Variants in IL1RAPL2 observed in about 807,000 individuals in gnomAD.
IL1RAPL2 encodes the protein X-linked interleukin-1 receptor accessory protein-like 2.
A neutral mutation model predicts 44.1 loss-of-function variants in IL1RAPL2; 3 were observed. The ratio of observed to expected loss-of-function variants is 0.07; its 90% CI spans 0.03 to 0.18. The LOEUF is 0.18. Among genes scored for constraint, IL1RAPL2 ranks in the 10% least tolerant of loss-of-function variants. The pLI, the probability that IL1RAPL2 is intolerant of heterozygous loss-of-function variation, is 1.00. For synonymous variants in IL1RAPL2, 181 were observed against 178.8 expected (o/e 1.01, Z -0.10); for missense variants, 391 against 496.4 (o/e 0.79, Z 2.02).
At chrX:104,682,997 C>T (rs988140168) in intron 2 of IL1RAPL2, among the ~76,000 whole-genome samples, 2 of 111,638 alleles carry the variant, frequency 1.8e-5, no homozygotes, top group Admixed American at 9.5e-5. Context: ...TGTATAGAAT[C>T]GTTTGGCCTG....
At chrX:105,198,194 C>G (rs1323057964) in intron 3 of IL1RAPL2, among the ~76,000 whole-genome samples, 1 of 111,600 alleles carries the variant, frequency 9.0e-6, no homozygotes, top group Non-Finnish European at 1.9e-5. Context: ...TTGTGAATAG[C>G]ACTACGATAA....
intron 4 of IL1RAPL2, among the ~76,000 whole-genome samples, chrX:105,235,818 G>T (rs368891975): frequency 8.9e-6 from 1 of 112,166 alleles, no homozygotes; most frequent in African/African-American, 3.2e-5. Context: ...AACTCTGTGT[G>T]ATAGGTGCTA....
chrX:104,782,722 A>G (rs1323593412), intron 2 of IL1RAPL2, among the ~76,000 whole-genome samples: 1 of 111,692 alleles, frequency 9.0e-6, no homozygotes, highest in African/African-American at 3.3e-5. Context: ...AATATCAGCA[A>G]TGATTTAGAT....
At chrX:105,755,038 A>T in intron 9 of IL1RAPL2, 139 bp from the exon 10 acceptor site, 1 of 413,835 alleles carries the variant, frequency 2.4e-6, no homozygotes. Flanking sequence ...AAGGGATTAG[A>T]TTTCCTATAA....
chrX:104,760,019 A>T (rs1433642019), intron 2 of IL1RAPL2, among the ~76,000 whole-genome samples: 2 of 111,381 alleles, frequency 1.8e-5, no homozygotes, highest in Non-Finnish European at 3.8e-5. Flanking sequence ...TGATTTTTAG[A>T]TCCCACAAAT....
intron 4 of IL1RAPL2, among the ~76,000 whole-genome samples, chrX:105,257,686 T>C (rs1743164955): frequency 8.9e-6 from 1 of 112,402 alleles, no homozygotes; most frequent in Non-Finnish European, 1.9e-5. Flanking sequence ...CATTATGTAA[T>C]ACCCTTTTCT....
intron 3 of IL1RAPL2, among the ~76,000 whole-genome samples, chrX:105,217,787 ATGTTCT>A (rs1486542706): frequency 8.9e-6 from 1 of 112,106 alleles, no homozygotes; most frequent in Non-Finnish European, 1.9e-5. Flanking sequence ...GAATGAGTTC[ATGTTCT>A]TTGCAGGGAC....
At chrX:105,617,575 AC>A (rs1257693678) in intron 6 of IL1RAPL2, among the ~76,000 whole-genome samples, 1 of 111,458 alleles carries the variant, frequency 9.0e-6, no homozygotes, top group Non-Finnish European at 1.9e-5. Flanking sequence ...TACTTTCCTG[AC>A]CTTGTCATAA....
At chrX:105,347,588 AT>A (rs2035120449) in intron 5 of IL1RAPL2, among the ~76,000 whole-genome samples, 1 of 108,982 alleles carries the variant, frequency 9.2e-6, no homozygotes, top group Non-Finnish European at 1.9e-5. Context: ...CATCATCATC[AT>A]CATCATCATC....
chrX:105,365,680 G>A (rs927841459), intron 5 of IL1RAPL2, among the ~76,000 whole-genome samples: 1 of 111,427 alleles, frequency 9.0e-6, no homozygotes, highest in African/African-American at 3.3e-5. Context: ...CTAATTTGTT[G>A]ATGTATAGTT....
At chrX:105,464,280 A>T (rs2036113128) in intron 5 of IL1RAPL2, among the ~76,000 whole-genome samples, 1 of 112,180 alleles carries the variant, frequency 8.9e-6, no homozygotes, top group Admixed American at 9.5e-5. Flanking sequence ...ACACTATAAG[A>T]TAAATGCTAT....
chrX:105,002,035 GGAAGA>G (rs2030860349), intron 2 of IL1RAPL2, among the ~76,000 whole-genome samples: 1 of 110,857 alleles, frequency 9.0e-6, no homozygotes. Context: ...AACGAATTTC[GGAAGA>G]TTGCAGCAAG....
intron 2 of IL1RAPL2, among the ~76,000 whole-genome samples, chrX:104,787,328 C>T (rs940031544): frequency 1.8e-4 from 20 of 111,593 alleles, no homozygotes; most frequent in African/African-American, 6.5e-4. Flanking sequence ...TGACGCTTCC[C>T]ATGCAGTACT....
intron 1 of IL1RAPL2, among the ~76,000 whole-genome samples, chrX:104,628,021 A>G (rs1929551683): frequency 8.9e-6 from 1 of 111,977 alleles, no homozygotes; most frequent in Admixed American, 9.5e-5. Context: ...CAATGATTTA[A>G]AGGATAGAAC....
At chrX:104,833,495 AT>A (rs769839158) in intron 2 of IL1RAPL2, among the ~76,000 whole-genome samples, 1 of 111,599 alleles carries the variant, frequency 9.0e-6, no homozygotes, top group Non-Finnish European at 1.9e-5. Flanking sequence ...TCATTTGGTT[AT>A]TTTTTTTAAA....
At chrX:105,058,053 A>G (rs953257856) in intron 2 of IL1RAPL2, among the ~76,000 whole-genome samples, 3 of 105,680 alleles carry the variant, frequency 2.8e-5, no homozygotes, top group Admixed American at 1.0e-4. Flanking sequence ...GGTTCACGCC[A>G]TTCTCCTGCC....
At position 104,787,365 on chromosome X, in the gene IL1RAPL2, C is replaced by T. The variant is rs137898201; in HGVS notation, c.82+128370C>T. Among the ~76,000 whole-genome samples the T allele has an allele frequency of 5.0e-3, 560 of 111,392 alleles. 3 individuals carry two copies. Among genetic ancestry groups the T allele is most frequent in the Non-Finnish European group, 8.1e-3 (428 of 53,073 alleles). ...TGATTATGTGTTTACATTTCTGGCT[C>T]GCCCTTGATACTCCGTACCTCTGGA... is the stretch of plus-strand genomic sequence containing the variant. On this transcript the variant is annotated intron_variant, in intron 2 of 10. Transcript: ENST00000372582.
chrX:105,003,019 A>G (rs972577369), intron 2 of IL1RAPL2, among the ~76,000 whole-genome samples: 6 of 111,436 alleles, frequency 5.4e-5, no homozygotes, highest in Non-Finnish European at 1.1e-4. Flanking sequence ...GGAGGATGCA[A>G]TCAATGGGGT....
At chrX:105,643,884 T>TTTTCTTTC (rs199874385) in intron 6 of IL1RAPL2, among the ~76,000 whole-genome samples, 5 of 111,302 alleles carry the variant, frequency 4.5e-5, no homozygotes, top group Admixed American at 1.9e-4. Context: ...GCAAGCTTTT[T>TTTTCTTTC]TTTCTTTCTT....
Sources: gnomAD v4.1 joint callset for allele counts (sites outside exome capture counted in the v4.1 genomes callset) on GRCh38, gnomAD v4.1.1 for gene constraint, MANE v1.5 for transcripts, NCBI Gene and HGNC (gene_info 2026-07-23, HGNC 2026-07-21) for gene names.